The following USP32 variants were observed in gnomAD, a reference collection of about 807,000 sequenced individuals.
USP32 encodes the protein ubiquitin carboxyl-terminal hydrolase 32.
Under a neutral mutation model 204.8 loss-of-function variants are expected in USP32, and 59 were observed. That is an observed-to-expected ratio of 0.29 (90% CI 0.23 to 0.36). USP32 has a LOEUF of 0.36. Ranked by LOEUF, USP32 falls within the 10% of genes least tolerant of loss-of-function variation. The pLI, the probability that USP32 is intolerant of heterozygous loss-of-function variation, is 1.00. For synonymous variants in USP32, 517 were observed against 678.4 expected (o/e 0.76, Z 3.70); for missense variants, 1,160 against 1,946.4 (o/e 0.60, Z 7.60).
chr17:60,352,130 G>A (rs1332362660), intron 1 of USP32, among the ~76,000 whole-genome samples: 1 of 152,198 alleles, frequency 6.6e-6, no homozygotes, highest in African/African-American at 2.4e-5. Flanking sequence ...TATTCAAGAT[G>A]ATAATGTCCT....
Position 60,422,274 on chromosome 17 carries a change from G to T in USP32, c.78C>A (p.Tyr26Ter). 1 of 408,364 alleles carries T rather than the reference G, an allele frequency of 2.4e-6. No homozygotes were observed. The highest frequency in any genetic ancestry group is 4.4e-6 in the Non-Finnish European group (1 of 227,700). 25.3% of individuals were successfully genotyped at this position (408,364 alleles called of 1,614,324 possible). The change falls in exon 1 of 4, where the codon TAC becomes TAA. Residue 26 changes from tyrosine (Y) to a stop codon, truncating the protein, a stop_gained. Transcript: ENST00000588898. LOFTEE classifies it high-confidence loss of function. ...GTGGTGTCAGGATCAGCATCTGACAGTATTCTTGGGAGAAGGGGCGCCAGC... is the reference window on the plus strand; with the variant it reads ...GTGGTGTCAGGATCAGCATCTGACATTATTCTTGGGAGAAGGGGCGCCAGC...
chr17:60,303,819 A>T (rs1219341969), intron 2 of USP32, among the ~76,000 whole-genome samples: 1 of 152,152 alleles, frequency 6.6e-6, no homozygotes, highest in Non-Finnish European at 1.5e-5. Flanking sequence ...TCAAGAATAA[A>T]CTCAACAGAG....
At chr17:60,396,338 A>G (rs1366973577), upstream of USP32, among the ~76,000 whole-genome samples, 1 of 152,236 alleles carries the variant, frequency 6.6e-6, no homozygotes, top group East Asian at 1.9e-4. Flanking sequence ...TAGTCTCCCA[A>G]AGTGCTGGGA....
At chr17:60,232,125 C>G (rs56201414) in intron 12 of USP32, among the ~76,000 whole-genome samples, 1 of 149,434 alleles carries the variant, frequency 6.7e-6, no homozygotes, top group Non-Finnish European at 1.5e-5. Flanking sequence ...AGATGAAGCT[C>G]TAAGATCAAA....
At chr17:60,322,258 A>G (rs1427914918) in intron 2 of USP32, among the ~76,000 whole-genome samples, 1 of 152,070 alleles carries the variant, frequency 6.6e-6, no homozygotes, top group Non-Finnish European at 1.5e-5. Flanking sequence ...GGATCCTCCC[A>G]CCTCAGCCTC....
At chr17:60,259,393 A>G (rs556175418) in intron 9 of USP32, among the ~76,000 whole-genome samples, 97 of 152,310 alleles carry the variant, frequency 6.4e-4, no homozygotes, top group Non-Finnish European at 1.3e-3. Flanking sequence ...AAAAAACAAA[A>G]AAATGAAAAA....
chr17:60,352,822 T>TA (rs2088979657), intron 1 of USP32, among the ~76,000 whole-genome samples: 1 of 152,130 alleles, frequency 6.6e-6, no homozygotes, highest in South Asian at 2.1e-4. Context: ...GCCTAAGGCA[T>TA]AAAGTAAAAA....
At chr17:60,344,609 T>C (rs1325005346) in intron 2 of USP32, among the ~76,000 whole-genome samples, 1 of 151,804 alleles carries the variant, frequency 6.6e-6, no homozygotes, top group East Asian at 1.9e-4. Flanking sequence ...CACCATCATG[T>C]CTGCTAATTT....
chr17:60,395,101 T>C (rs532988327), upstream of USP32, among the ~76,000 whole-genome samples: 1 of 152,146 alleles, frequency 6.6e-6, no homozygotes, highest in Non-Finnish European at 1.5e-5. Context: ...AAGGTACAGT[T>C]TAAAAAGCAG....
chr17:60,301,570 A>G lies in USP32; in HGVS notation c.292+29T>C. 3 of 1,404,736 alleles carry G rather than the reference A, an allele frequency of 2.1e-6. No homozygotes were observed. The South Asian group carries it at 3.9e-5, about 18-fold the overall frequency. 87.0% of individuals were successfully genotyped at this position (1,404,736 alleles called of 1,614,324 possible). On this transcript the variant is annotated intron_variant, in intron 3 of 33. Transcript: ENST00000300896. Reference sequence around the variant, plus strand: ...GATAAATTATTCTGTACATAGACGAATTATTTTTGAGATAATAAAAGTACT... The same window carrying G: ...GATAAATTATTCTGTACATAGACGAGTTATTTTTGAGATAATAAAAGTACT...
chr17:60,353,206 G>A (rs530971771), intron 1 of USP32, among the ~76,000 whole-genome samples: 8 of 152,212 alleles, frequency 5.3e-5, no homozygotes, highest in Admixed American at 2.6e-4. Flanking sequence ...GGGCTCAAGC[G>A]CAACATAGGC....
chr17:60,250,581 T>G (rs1024630622), intron 11 of USP32, among the ~76,000 whole-genome samples: 9 of 152,180 alleles, frequency 5.9e-5, no homozygotes, highest in Non-Finnish European at 1.3e-4. Context: ...AATCTTTTAG[T>G]AGCTAAAAAC....
intron 1 of USP32, among the ~76,000 whole-genome samples, chr17:60,349,696 G>A (rs1469994599): frequency 2.5e-5 from 3 of 120,242 alleles, no homozygotes; most frequent in Admixed American, 2.0e-4. Flanking sequence ...TATATATATA[G>A]CAATCTGATG....
intron 13 of USP32, among the ~76,000 whole-genome samples, chr17:60,224,170 C>G (rs1186648319): frequency 6.6e-6 from 1 of 152,178 alleles, no homozygotes; most frequent in Non-Finnish European, 1.5e-5. Context: ...GTATTTTAAG[C>G]CATTTCAACT....
chr17:60,392,425 C>T (rs989664824), upstream of USP32: 4 of 245,334 alleles, frequency 1.6e-5, no homozygotes, highest in Non-Finnish European at 2.5e-5. Context: ...GCGCGCCCCG[C>T]CCGGGCGCCT....
intron 3 of USP32, among the ~76,000 whole-genome samples, chr17:60,296,761 C>T (rs1476185809): frequency 6.6e-6 from 1 of 152,118 alleles, no homozygotes; most frequent in Non-Finnish European, 1.5e-5. Flanking sequence ...CCCAAGGACA[C>T]CAAAATCTGC....
intron 1 of USP32, among the ~76,000 whole-genome samples, chr17:60,402,815 A>T (rs1452301816): frequency 2.6e-5 from 4 of 152,074 alleles, no homozygotes; most frequent in African/African-American, 9.7e-5. Flanking sequence ...AAAGCTAGGG[A>T]CTGGAATCCT....
In USP32 at chr17:60,386,367, A is replaced by T. The variant is rs942536773; in HGVS notation, c.58+5515T>A. On this transcript the variant is annotated intron_variant, in intron 1 of 33. Coordinates refer to ENST00000300896, the MANE Select transcript of USP32 (RefSeq NM_032582.4). ...TACTAATTTTTAGTTCATAAATTAAAAAAAAAAAAAAAAAAATCCCTCCAC... is the reference window on the plus strand; with the variant it reads ...TACTAATTTTTAGTTCATAAATTAATAAAAAAAAAAAAAAAATCCCTCCAC... 6.0e-4 allele frequency among the ~76,000 whole-genome samples: 62 copies of T among 103,070 alleles called. No homozygotes were observed. The African/African-American group carries it at 9.6e-3, about 16-fold the overall frequency. The allele number at this position is 103,070 out of a possible 152,430, so 67.6% of individuals were successfully genotyped here. A position where few individuals can be genotyped will look rare whatever the true frequency, so the allele number is the denominator to read the frequency against.
intron 11 of USP32, among the ~76,000 whole-genome samples, chr17:60,248,060 G>A (rs2086080140): frequency 6.6e-6 from 1 of 152,140 alleles, no homozygotes; most frequent in Non-Finnish European, 1.5e-5. Context: ...TGCTGTTTTG[G>A]TTACTATAGC....
Sources: allele counts gnomAD v4.1 joint callset (sites outside exome capture counted in the v4.1 genomes callset), GRCh38; gene constraint gnomAD v4.1.1; transcripts MANE v1.5; gene names NCBI Gene and HGNC (gene_info 2026-07-23, HGNC 2026-07-21).